Variants in CADM1 observed in about 807,000 individuals in gnomAD.
CADM1 encodes the protein TSLC-1.
CADM1 carries 15 observed loss-of-function variants against 53.1 expected under a neutral mutation model. The observed-to-expected ratio is 0.28, with a 90% CI of 0.19 to 0.44. The LOEUF is 0.44. CADM1 is among the 20% of genes least tolerant of loss of function. The pLI, the probability that CADM1 is intolerant of heterozygous loss-of-function variation, is 1.00. For missense variants in CADM1, 434 were observed against 611.3 expected (o/e 0.71, Z 3.06); for synonymous variants, 281 against 243.0 (o/e 1.16, Z -1.45).
chr11:115,464,812 C>T (rs894219484), intron 1 of CADM1, among the ~76,000 whole-genome samples: 20 of 152,188 alleles, frequency 1.3e-4, no homozygotes, highest in Admixed American at 5.9e-4. Flanking sequence ...GTAATACAGC[C>T]AGAAGCTTTG....
intron 8 of CADM1, among the ~76,000 whole-genome samples, chr11:115,204,046 G>A (rs935590251): frequency 6.6e-6 from 1 of 152,142 alleles, no homozygotes; most frequent in Non-Finnish European, 1.5e-5. Flanking sequence ...TTCCATAAAT[G>A]CTGAATGAAA....
At chr11:115,248,725 G>A (rs1942493000) in intron 1 of CADM1, among the ~76,000 whole-genome samples, 2 of 152,120 alleles carry the variant, frequency 1.3e-5, no homozygotes, top group African/African-American at 4.8e-5. Flanking sequence ...CTTTTTTAGA[G>A]AGAAGATAGG....
chr11:115,408,779 CA>C (rs1473713740), intron 1 of CADM1, among the ~76,000 whole-genome samples: 1 of 152,126 alleles, frequency 6.6e-6, no homozygotes, highest in African/African-American at 2.4e-5. Context: ...ACACAGAAGC[CA>C]GGGGCAGAGG....
At chr11:115,273,734 T>C (rs10891820) in intron 1 of CADM1, among the ~76,000 whole-genome samples, 18,157 of 152,272 alleles carry the variant, frequency 0.12, 1,204 homozygotes, top group South Asian at 0.28. Context: ...GATATAATTA[T>C]GCAATGGGTA....
At chr11:115,300,519 A>C (rs1171328262) in intron 1 of CADM1, among the ~76,000 whole-genome samples, 3 of 152,148 alleles carry the variant, frequency 2.0e-5, no homozygotes, top group Admixed American at 1.3e-4. Context: ...ATATACAGTG[A>C]ATCTTACTTC....
At chr11:115,198,352 G>C (rs1262247499) in intron 9 of CADM1, 54 bp downstream of exon 9, 3 of 1,386,462 alleles carry the variant, frequency 2.2e-6, no homozygotes, top group East Asian at 2.3e-5. Context: ...TCCCAGGCTT[G>C]CCTTGCCTCT....
intron 9 of CADM1, among the ~76,000 whole-genome samples, chr11:115,196,061 A>G (rs184203979): frequency 2.6e-4 from 40 of 152,332 alleles, no homozygotes; most frequent in African/African-American, 7.9e-4. Context: ...CTGCTAGTCA[A>G]TAACATCCTA....
intron 1 of CADM1, among the ~76,000 whole-genome samples, 159 bp downstream of exon 1, chr11:115,504,112 C>T (rs1949797167): frequency 6.6e-6 from 1 of 152,134 alleles, no homozygotes; most frequent in African/African-American, 2.4e-5. Flanking sequence ...TGCCCTCAGC[C>T]CCTTCCCTCT....
intron 1 of CADM1, among the ~76,000 whole-genome samples, chr11:115,243,795 A>T (rs894151770): frequency 1.3e-5 from 2 of 152,214 alleles, no homozygotes; most frequent in Admixed American, 1.3e-4. Flanking sequence ...TTTCTTCAAG[A>T]ATCCATTTTT....
At chr11:115,357,689 C>A (rs1307372502) in intron 1 of CADM1, among the ~76,000 whole-genome samples, 1 of 152,198 alleles carries the variant, frequency 6.6e-6, no homozygotes, top group Non-Finnish European at 1.5e-5. Context: ...ATTTTGAGCA[C>A]AGCACCCAGC....
intron 1 of CADM1, among the ~76,000 whole-genome samples, chr11:115,311,779 C>A (rs544476442): frequency 2.6e-5 from 4 of 152,094 alleles, no homozygotes; most frequent in Admixed American, 2.0e-4. Context: ...CATTTTAGAC[C>A]AATATACATG....
At chr11:115,456,515 A>T (rs1443972598) in intron 1 of CADM1, among the ~76,000 whole-genome samples, 2 of 152,148 alleles carry the variant, frequency 1.3e-5, no homozygotes, top group Non-Finnish European at 2.9e-5. Flanking sequence ...AAAATGTTTA[A>T]GTAAAAAGAA....
chr11:115,482,202 C>G (rs926511051), intron 1 of CADM1, among the ~76,000 whole-genome samples: 3 of 152,158 alleles, frequency 2.0e-5, no homozygotes, highest in Non-Finnish European at 4.4e-5. Context: ...CAAGAGACCC[C>G]CTAGAAGTCT....
intron 1 of CADM1, among the ~76,000 whole-genome samples, chr11:115,424,718 G>T (rs1040876345): frequency 1.3e-5 from 2 of 151,954 alleles, no homozygotes; most frequent in Non-Finnish European, 2.9e-5. Flanking sequence ...TAGAGAGGGG[G>T]TTTCGACATG....
intron 3 of CADM1, among the ~76,000 whole-genome samples, chr11:115,235,276 T>C (rs913497569): frequency 1.3e-5 from 2 of 152,176 alleles, no homozygotes; most frequent in Non-Finnish European, 2.9e-5. Context: ...AAAACTTATT[T>C]GGTCTATTAA....
At chr11:115,214,425 G>A (rs111529416) in intron 7 of CADM1, 183 bp downstream of exon 7, 191 of 629,674 alleles carry the variant, frequency 3.0e-4, no homozygotes, top group African/African-American at 3.0e-3. Context: ...TAGAGGGAGA[G>A]AAGAAAAGTC....
intron 9 of CADM1, among the ~76,000 whole-genome samples, chr11:115,195,023 AAC>A (rs1940081992): frequency 6.6e-6 from 1 of 152,236 alleles, no homozygotes; most frequent in Non-Finnish European, 1.5e-5. Context: ...ATGCACACAT[AAC>A]ACAGGATTCT....
chr11:115,310,627 T>C (rs1309898668), intron 1 of CADM1, among the ~76,000 whole-genome samples: 1 of 152,134 alleles, frequency 6.6e-6, no homozygotes, highest in African/African-American at 2.4e-5. Context: ...TAGGCCTTAA[T>C]GCAAAGACTG....
intron 1 of CADM1, among the ~76,000 whole-genome samples, chr11:115,311,435 A>G (rs1944529918): frequency 6.6e-6 from 1 of 152,128 alleles, no homozygotes; most frequent in African/African-American, 2.4e-5. Flanking sequence ...AAATCCATGC[A>G]TATTCAAGTC....
Sources: allele counts gnomAD v4.1 joint callset (sites outside exome capture counted in the v4.1 genomes callset), GRCh38; gene constraint gnomAD v4.1.1; transcripts MANE v1.5; gene names NCBI Gene and HGNC (gene_info 2026-07-23, HGNC 2026-07-21).